MGAT4C: variants seen among roughly 807,000 people sequenced by gnomAD.
MGAT4C encodes the protein MGAT4 family member C.
MGAT4C carries 19 observed loss-of-function variants against 40.1 expected under a neutral mutation model. That is an observed-to-expected ratio of 0.47 (90% confidence interval 0.33 to 0.70). MGAT4C has a LOEUF of 0.70. Ranked by LOEUF, MGAT4C falls within the 30% of genes least tolerant of loss-of-function variation. The pLI, the probability that MGAT4C is intolerant of heterozygous loss-of-function variation, is 0.02. For synonymous variants in MGAT4C, 181 were observed against 187.1 expected (o/e 0.97, Z 0.27); for missense variants, 491 against 563.2 (o/e 0.87, Z 1.30).
At chr12:86,704,018 C>G (rs1352243122) in intron 2 of MGAT4C, among the ~76,000 whole-genome samples, 1 of 151,920 alleles carries the variant, frequency 6.6e-6, no homozygotes, top group Non-Finnish European at 1.5e-5. Flanking sequence ...TTAAAGTAAC[C>G]AAGGACAGTA....
chr12:86,525,238 A>G (rs1958861169), intron 2 of MGAT4C, among the ~76,000 whole-genome samples: 1 of 152,088 alleles, frequency 6.6e-6, no homozygotes, highest in South Asian at 2.1e-4. Flanking sequence ...GATGGTTTAA[A>G]AGTGTTTGGC....
intron 2 of MGAT4C, among the ~76,000 whole-genome samples, chr12:86,530,838 T>C (rs536107893): frequency 1.8e-4 from 28 of 152,080 alleles, no homozygotes; most frequent in Non-Finnish European, 2.5e-4. Flanking sequence ...AAATAATATA[T>C]ACTCCATTAG....
At chr12:86,074,051 C>A (rs1279655836) in intron 1 of MGAT4C, among the ~76,000 whole-genome samples, 3 of 151,900 alleles carry the variant, frequency 2.0e-5, no homozygotes, top group Non-Finnish European at 1.5e-5. Context: ...ATCATGGGGG[C>A]CAGTTTTTCT....
At chr12:86,211,794 G>GTT (rs923249337) in intron 1 of MGAT4C, among the ~76,000 whole-genome samples, 1 of 147,410 alleles carries the variant, frequency 6.8e-6, no homozygotes, top group Non-Finnish European at 1.5e-5. Context: ...TTGTTGTTTT[G>GTT]TTTTTTTTTT....
chr12:86,472,383 T>C (rs1401994213), intron 2 of MGAT4C, among the ~76,000 whole-genome samples: 1 of 152,188 alleles, frequency 6.6e-6, no homozygotes, highest in Non-Finnish European at 1.5e-5. Flanking sequence ...CAAATATATT[T>C]ATTGGTGACC....
chr12:86,700,176 GACAGA>G (rs1950337550), intron 2 of MGAT4C, among the ~76,000 whole-genome samples: 2 of 126,626 alleles, frequency 1.6e-5, no homozygotes, highest in African/African-American at 3.2e-5. Context: ...CAGACAGACA[GACAGA>G]TAGATAGATA....
chr12:86,593,953 C>A (rs985567637), intron 2 of MGAT4C, among the ~76,000 whole-genome samples: 2 of 152,130 alleles, frequency 1.3e-5, no homozygotes, highest in East Asian at 1.9e-4. Context: ...ACTTTAGGAA[C>A]TGAAAATCTG....
chr12:86,030,958 T>A (rs969696115), intron 2 of MGAT4C, among the ~76,000 whole-genome samples: 13 of 151,786 alleles, frequency 8.6e-5, no homozygotes, highest in African/African-American at 3.1e-4. Context: ...GTGATAGTGT[T>A]TCATGTAACC....
intron 2 of MGAT4C, among the ~76,000 whole-genome samples, chr12:86,012,614 T>G (rs1047963902): frequency 6.7e-6 from 1 of 149,946 alleles, no homozygotes; most frequent in Non-Finnish European, 1.5e-5. Flanking sequence ...TAGCCAGGAG[T>G]GGTGGTGGGC....
intron 1 of MGAT4C, among the ~76,000 whole-genome samples, chr12:86,197,154 G>A (rs1373904869): frequency 6.6e-6 from 1 of 152,148 alleles, no homozygotes; most frequent in Non-Finnish European, 1.5e-5. Flanking sequence ...GCCACTTTAT[G>A]GCAAGACTGC....
intron 2 of MGAT4C, among the ~76,000 whole-genome samples, chr12:86,725,770 C>T (rs1402574895): frequency 6.6e-6 from 1 of 152,122 alleles, no homozygotes; most frequent in Non-Finnish European, 1.5e-5. Context: ...GCCCAGCGCC[C>T]CCTTTTTATT....
chr12:86,259,312 T>C (rs1952606652), upstream of MGAT4C, among the ~76,000 whole-genome samples: 2 of 152,182 alleles, frequency 1.3e-5, no homozygotes, highest in African/African-American at 2.4e-5. Context: ...TCTGCACATG[T>C]ATCTGGGTTA....
At chr12:86,172,070 C>T (rs974071129) in intron 1 of MGAT4C, among the ~76,000 whole-genome samples, 6 of 152,140 alleles carry the variant, frequency 3.9e-5, no homozygotes, top group African/African-American at 1.4e-4. Flanking sequence ...CTCAATATCT[C>T]CTCTGGTACA....
At position 85,968,752 on chromosome 12, in the gene MGAT4C, T is replaced by A. The variant is rs1883478033; in HGVS notation, c.*10537A>T. The A allele has an allele frequency of 6.6e-6, 1 of 151,828 alleles. No individual in the cohort carries two copies. The allele number at this position is 151,828 out of a possible 1,614,324, so 9.4% of individuals were successfully genotyped here. ...TGATGCCTGGAAACTCCAGAACAAT[T>A]ATGATAACTCTGAGCATGGAGCTCA... On this transcript the variant is annotated 3_prime_UTR_variant, in exon 5 of 5. Coordinates refer to ENST00000611864, the MANE Select transcript of MGAT4C (RefSeq NM_001351288.2).
chr12:86,260,082 G>A (rs1952628677), upstream of MGAT4C, among the ~76,000 whole-genome samples: 1 of 151,860 alleles, frequency 6.6e-6, no homozygotes, highest in Non-Finnish European at 1.5e-5. Context: ...TTGCATTAGG[G>A]TATATTAAAA....
intron 1 of MGAT4C, among the ~76,000 whole-genome samples, chr12:86,053,168 CT>C (rs34127747): frequency 0.037 from 5,438 of 145,568 alleles, 321 homozygotes; most frequent in African/African-American, 0.12. Context: ...GCCACGGTGA[CT>C]TTTTTTTTTT....
At chr12:86,524,103 G>C (rs1360538486) in intron 2 of MGAT4C, among the ~76,000 whole-genome samples, 1 of 152,058 alleles carries the variant, frequency 6.6e-6, no homozygotes, top group Non-Finnish European at 1.5e-5. Context: ...AGGTTGGTAT[G>C]GATATGTGTG....
At chr12:86,783,924 A>G (rs1951888541) in intron 1 of MGAT4C, among the ~76,000 whole-genome samples, 1 of 152,142 alleles carries the variant, frequency 6.6e-6, no homozygotes, top group South Asian at 2.1e-4. Context: ...CTTATAATAC[A>G]GAAGGAAAAA....
intron 1 of MGAT4C, among the ~76,000 whole-genome samples, chr12:86,052,153 G>T (rs561838334): frequency 6.6e-6 from 1 of 151,222 alleles, no homozygotes; most frequent in Non-Finnish European, 1.5e-5. Flanking sequence ...ATCATTTTTA[G>T]ATTTTATAAA....
Sources: allele counts gnomAD v4.1 joint callset (sites outside exome capture counted in the v4.1 genomes callset), GRCh38; gene constraint gnomAD v4.1.1; transcripts MANE v1.5; gene names NCBI Gene and HGNC (gene_info 2026-07-23, HGNC 2026-07-21).